The following EVC2 variants were observed in gnomAD, a reference collection of about 807,000 sequenced individuals.
The protein encoded by EVC2 is limbin.
A neutral mutation model predicts 149.3 loss-of-function variants in EVC2; 148 were observed. That is an observed-to-expected ratio of 0.99 (90% CI 0.87 to 1.14). EVC2 has a LOEUF of 1.14. Among genes scored for constraint, EVC2 ranks in the 50% most tolerant of loss-of-function variants. The pLI, the probability that EVC2 is intolerant of heterozygous loss-of-function variation, is 0.00. For synonymous variants in EVC2, 776 were observed against 649.9 expected, an observed-to-expected ratio of 1.19 and a Z score of -2.95; for missense variants, 1,854 against 1,627.3, an observed-to-expected ratio of 1.14 and a Z score of -2.40.
rs35334619 is a variant in EVC2 at position 5,650,671 on chromosome 4, A to AGAGAGAGAGAGAGAGAGAGAGAGAGC, written c.1146-9834_1146-9833insGCTCTCTCTCTCTCTCTCTCTCTCTC. On this transcript the variant is annotated intron_variant, in intron 9 of 21. Coordinates refer to ENST00000344408, the MANE Select transcript of EVC2 (RefSeq NM_147127.5). ...GAGAGAGAGAGAGAGAGAGAGAGAG[A>AGAGAGAGAGAGAGAGAGAGAGAGAGC]GCCATTTAATCATCACAAAAAAATC... 1.4e-4 allele frequency among the ~76,000 whole-genome samples: 14 copies of AGAGAGAGAGAGAGAGAGAGAGAGAGC among 102,444 alleles called. 1 individual carries two copies. The highest frequency in any genetic ancestry group is 2.5e-4 in the Non-Finnish European group (13 of 51,718). 67.2% of individuals were successfully genotyped at this position (102,444 alleles called of 152,430 possible).
chr4:5,691,388 A>G, intron 3 of EVC2, 55 bp from the exon 4 acceptor site: 2 of 1,401,160 alleles, frequency 1.4e-6, no homozygotes, highest in East Asian at 2.4e-5. Context: ...TGCTATACAT[A>G]TTTAATAAAA....
chr4:5,607,655 C>T (rs1482648170), intron 16 of EVC2, among the ~76,000 whole-genome samples: 1 of 152,124 alleles, frequency 6.6e-6, no homozygotes, highest in African/African-American at 2.4e-5. Context: ...CTCCAAGAAT[C>T]AGTCATACAA....
intron 12 of EVC2, among the ~76,000 whole-genome samples, chr4:5,626,945 G>T (rs1036689372): frequency 2.0e-5 from 3 of 152,156 alleles, no homozygotes; most frequent in Admixed American, 2.0e-4. Flanking sequence ...TGGGTCTCCA[G>T]CTTGCAGGCA....
At position 5,665,498 on chromosome 4, in the gene EVC2, C is replaced by T. The variant is rs1435460883; in HGVS notation, c.1005+17G>A. 6.2e-7 allele frequency: 1 copy of T among 1,613,988 alleles called. No homozygotes were observed. The highest frequency in any genetic ancestry group is 1.7e-5 in the Admixed American group (1 of 60,014). ...TCACATTCACCACCTTCCAAACCAC[C>T]CTCAGGGAAGACTCACCCGATGTCT... On this transcript the variant is annotated intron_variant, in intron 8 of 21. Coordinates refer to ENST00000344408, the MANE Select transcript of EVC2 (RefSeq NM_147127.5).
intron 1 of EVC2, among the ~76,000 whole-genome samples, chr4:5,705,078 T>C (rs1002158277): frequency 2.0e-5 from 3 of 152,192 alleles, no homozygotes; most frequent in African/African-American, 7.2e-5. Context: ...TAACAGATAA[T>C]GTTACATCAT....
chr4:5,630,998 G>T (rs1456885275), intron 11 of EVC2, among the ~76,000 whole-genome samples: 1 of 152,166 alleles, frequency 6.6e-6, no homozygotes, highest in African/African-American at 2.4e-5. Context: ...GTGCCTGTGT[G>T]TGCATGCACT....
In EVC2 at chr4:5,625,871, A is replaced by G. The variant is rs2108843348; in HGVS notation, c.1924T>C (p.Leu642=). ...AAGACTTCTGTCTGAGCCCGCTCCA[A>G]TAGCATTTCCATTTGGTCTTCATCC... ...YLDEDQMEML[L]ERAQTEVFSI... is the part of the protein sequence containing the mutation. The change falls in exon 13 of 22, where the codon TTG becomes CTG. Residue 642 remains leucine, a synonymous_variant. Transcript: ENST00000344408. The surrounding 1 kb of genome is among the most constrained non-coding windows in gnomAD (Gnocchi z 4.0). The G allele has an allele frequency of 6.2e-7, 1 of 1,614,146 alleles. No individual in the cohort carries two copies. Among genetic ancestry groups the G allele is most frequent in the Non-Finnish European group, 8.5e-7 (1 of 1,180,036 alleles).
At chr4:5,655,905 A>T (rs1053905307) in intron 9 of EVC2, among the ~76,000 whole-genome samples, 4 of 152,158 alleles carry the variant, frequency 2.6e-5, no homozygotes, top group African/African-American at 9.7e-5. Flanking sequence ...TTCCAGTGGA[A>T]TATCTCACAA....
At chr4:5,589,627 G>T (rs1366049796) in intron 16 of EVC2, among the ~76,000 whole-genome samples, 2 of 152,022 alleles carry the variant, frequency 1.3e-5, no homozygotes, top group East Asian at 3.9e-4. Flanking sequence ...AACCCTTTTA[G>T]GGCAGTAACC....
At chr4:5,623,596 T>A (rs562440318) in intron 13 of EVC2, among the ~76,000 whole-genome samples, 3 of 152,268 alleles carry the variant, frequency 2.0e-5, no homozygotes, top group Non-Finnish European at 2.9e-5. Flanking sequence ...CACCTCGGCC[T>A]CCTAAACTGC....
intron 15 of EVC2, among the ~76,000 whole-genome samples, chr4:5,617,506 C>G (rs79898708): frequency 0.045 from 6,808 of 152,182 alleles, 479 homozygotes; most frequent in African/African-American, 0.15. Context: ...CACTTAGCAC[C>G]CTTGAGTGGT....
At chr4:5,551,738 A>T (rs1721743197) in intron 21 of EVC2, among the ~76,000 whole-genome samples, 1 of 152,162 alleles carries the variant, frequency 6.6e-6, no homozygotes, top group Non-Finnish European at 1.5e-5. Context: ...TTTTATCTTG[A>T]ATTCCCACGT....
At chr4:5,680,889 A>G (rs1355749648) in intron 7 of EVC2, among the ~76,000 whole-genome samples, 8 of 148,330 alleles carry the variant, frequency 5.4e-5, no homozygotes, top group Admixed American at 5.3e-4. Context: ...AGAAGCAGAG[A>G]GACCCGCCCC....
At chr4:5,549,448 G>A (rs1032046469) in intron 21 of EVC2, among the ~76,000 whole-genome samples, 1 of 152,226 alleles carries the variant, frequency 6.6e-6, no homozygotes, top group Non-Finnish European at 1.5e-5. Context: ...ATGCCCACAT[G>A]TGCATCTCCC....
chr4:5,580,299 T>G (rs1256164238), intron 17 of EVC2, among the ~76,000 whole-genome samples: 1 of 152,220 alleles, frequency 6.6e-6, no homozygotes, highest in African/African-American at 2.4e-5. Context: ...ATCATATGCA[T>G]TGCCTTAACA....
chr4:5,652,256 C>T (rs532319916), intron 9 of EVC2, among the ~76,000 whole-genome samples: 1 of 152,152 alleles, frequency 6.6e-6, no homozygotes, highest in Non-Finnish European at 1.5e-5. Context: ...GGAAGTCCCA[C>T]GCAGGGACCA....
At position 5,639,084 on chromosome 4, in the gene EVC2, T is replaced by C. The variant is rs1047343274; in HGVS notation, c.1470+1430A>G. 3.3e-5 allele frequency among the ~76,000 whole-genome samples: 5 copies of C among 152,216 alleles called. No individual in the cohort carries two copies. The East Asian group carries it at 9.7e-4, about 29-fold the overall frequency. ...AGGTGCAGGCAGGACAGCGAGGACC[T>C]TGCCCCTTTTCTTTACTGCTCATCC... is the stretch of plus-strand genomic sequence containing the variant. On this transcript the variant is annotated intron_variant, in intron 10 of 21. Coordinates refer to ENST00000344408, the MANE Select transcript of EVC2 (RefSeq NM_147127.5).
the EVC2 span, among the ~76,000 whole-genome samples, chr4:5,533,433 G>C: frequency 6.6e-6 from 1 of 152,158 alleles, no homozygotes; most frequent in Non-Finnish European, 1.5e-5. Flanking sequence ...AGGAGAGGTC[G>C]GGCAAGGAAT....
At chr4:5,666,427 C>T (rs928119196) in intron 7 of EVC2, among the ~76,000 whole-genome samples, 2 of 152,222 alleles carry the variant, frequency 1.3e-5, no homozygotes, top group African/African-American at 2.4e-5. Flanking sequence ...CCTTTTCTCA[C>T]ACTTTATCAA....
Sources: gnomAD v4.1 joint callset for allele counts (sites outside exome capture counted in the v4.1 genomes callset) on GRCh38, gnomAD v4.1.1 for gene constraint, Gnocchi (gnomAD v3.1) non-coding constraint, MANE v1.5 for transcripts, NCBI Gene and HGNC (gene_info 2026-07-23, HGNC 2026-07-21) for gene names.